RERE: variants seen among roughly 807,000 people sequenced by gnomAD.
The protein encoded by RERE is arginine-glutamic acid dipeptide repeats.
A neutral mutation model predicts 146.1 loss-of-function variants in RERE; 40 were observed. The observed-to-expected ratio is 0.27, with a 90% CI of 0.21 to 0.36. The LOEUF (loss-of-function observed/expected upper bound fraction) is 0.36, where lower values mean the gene tolerates loss of function less well. Among genes scored for constraint, RERE ranks in the 10% least tolerant of loss-of-function variants. RERE has a pLI of 1.00. For missense variants in RERE, 1,933 were observed against 2,138.7 expected (o/e 0.90, Z 1.90); for synonymous variants, 1,003 against 866.0 (o/e 1.16, Z -2.78).
chr1:8,744,466 G>A (rs888617461), intron 1 of RERE, among the ~76,000 whole-genome samples: 10 of 152,142 alleles, frequency 6.6e-5, no homozygotes, highest in Non-Finnish European at 1.5e-4. Flanking sequence ...CACTGTATTA[G>A]CTGCATTCTT....
chr1:8,688,180 A>G (rs1036018060), intron 1 of RERE, among the ~76,000 whole-genome samples: 13 of 152,208 alleles, frequency 8.5e-5, no homozygotes, highest in African/African-American at 2.9e-4. Flanking sequence ...ACTAACGCCT[A>G]TAATCTCAAC....
At chr1:8,720,655 A>G (rs1639847261) in intron 1 of RERE, among the ~76,000 whole-genome samples, 1 of 152,240 alleles carries the variant, frequency 6.6e-6, no homozygotes, top group Non-Finnish European at 1.5e-5. Context: ...GGTAGGCCTC[A>G]TAGGCCACTG....
chr1:8,441,629 A>G (rs1457681571), intron 11 of RERE, among the ~76,000 whole-genome samples: 4 of 152,248 alleles, frequency 2.6e-5, no homozygotes, highest in South Asian at 4.1e-4. Context: ...GGAAAGTCAT[A>G]TCTGACGACA....
intron 2 of RERE, among the ~76,000 whole-genome samples, chr1:8,637,869 T>C (rs1236809158): frequency 6.6e-6 from 1 of 152,228 alleles, no homozygotes; most frequent in Non-Finnish European, 1.5e-5. Flanking sequence ...GTGAAACCTT[T>C]AAATGTCCAG....
intron 20 of RERE, 61 bp downstream of exon 20, chr1:8,358,135 C>G: frequency 2.6e-6 from 4 of 1,530,626 alleles, no homozygotes; most frequent in Non-Finnish European, 3.5e-6. Flanking sequence ...GTGACTGTCA[C>G]TCATCAGGCT....
chr1:8,486,628 CAATGA>C (rs1644902440), intron 10 of RERE, among the ~76,000 whole-genome samples: 1 of 150,384 alleles, frequency 6.6e-6, no homozygotes, highest in Non-Finnish European at 1.5e-5. Context: ...GAACAGAAAC[CAATGA>C]AATATAAAAC....
chr1:8,531,774 A>G (rs72867539), intron 7 of RERE, among the ~76,000 whole-genome samples: 1 of 152,282 alleles, frequency 6.6e-6, no homozygotes, highest in African/African-American at 2.4e-5. Flanking sequence ...ATTATTACAG[A>G]GCGTTGAATT....
At chr1:8,562,180 T>A (rs192588506) in intron 4 of RERE, among the ~76,000 whole-genome samples, 1 of 152,174 alleles carries the variant, frequency 6.6e-6, no homozygotes. Flanking sequence ...CTTAAAGTTT[T>A]TGCTTTTCTA....
intron 8 of RERE, among the ~76,000 whole-genome samples, chr1:8,503,479 T>G (rs1191736436): frequency 6.6e-6 from 1 of 152,214 alleles, no homozygotes; most frequent in East Asian, 1.9e-4. Context: ...TCAACTCATA[T>G]GCCTATTAAT....
chr1:8,388,360 T>TGGACTGC (rs999123918), intron 12 of RERE, among the ~76,000 whole-genome samples: 1 of 150,658 alleles, frequency 6.6e-6, no homozygotes, highest in African/African-American at 2.4e-5. Context: ...TCGCCCAGGC[T>TGGACTGC]GGACTGCGGA....
intron 4 of RERE, among the ~76,000 whole-genome samples, chr1:8,564,838 G>GTGTGTGTA (rs1646130321): frequency 8.0e-6 from 1 of 125,730 alleles, no homozygotes; most frequent in Admixed American, 8.0e-5. Context: ...GTGTATGTGT[G>GTGTGTGTA]TGTGTGTGTG....
chr1:8,406,003 C>G (rs1570160749), intron 12 of RERE, among the ~76,000 whole-genome samples: 1 of 152,038 alleles, frequency 6.6e-6, no homozygotes, highest in East Asian at 1.9e-4. Flanking sequence ...AAAACAGACC[C>G]CTTCCCTTTC....
intron 1 of RERE, among the ~76,000 whole-genome samples, chr1:8,801,561 G>A (rs1412829003): frequency 6.6e-6 from 1 of 151,604 alleles, no homozygotes; most frequent in Non-Finnish European, 1.5e-5. Flanking sequence ...GAGCCACCGC[G>A]CCTGGCCAAA....
rs1164463993 is a variant in RERE at position 8,361,120 on chromosome 1, G to T, written c.2387C>A (p.Pro796His). ...CGGTGCCTGTTGGATGTGGGTGTGG[G>T]GAACAGGCGCTGTGGGAGCCTGTGG... ...NQPQAPTAPV[P>H]HTHIQQAPAL... Residue 796 changes from proline (P) to histidine (H), a missense_variant, in exon 18 of 23, where the codon CCC (proline) becomes CAC (histidine). Around this residue, in one of 11 missense-constraint regions of RERE, gnomAD observed 1,255 missense variants for 1,153.8 expected, o/e 1.09. Transcript: ENST00000400908. The T allele has an allele frequency of 2.8e-6, 4 of 1,443,374 alleles. No individual in the cohort carries two copies. In the African/African-American group the frequency reaches 4.3e-5, roughly 16 times the overall value. The allele number at this position is 1,443,374 out of a possible 1,614,324, so 89.4% of individuals were successfully genotyped here. A position where few individuals can be genotyped will look rare whatever the true frequency, so the allele number is the denominator to read the frequency against.
chr1:8,686,039 T>G (rs966946899), intron 1 of RERE, among the ~76,000 whole-genome samples: 2 of 151,748 alleles, frequency 1.3e-5, no homozygotes, highest in Middle Eastern at 6.8e-3. Context: ...TGGAGAGCAG[T>G]AGCACGATCT....
intron 12 of RERE, among the ~76,000 whole-genome samples, chr1:8,405,773 G>C (rs1246929141): frequency 1.3e-5 from 2 of 151,820 alleles, no homozygotes; most frequent in Non-Finnish European, 2.9e-5. Context: ...TGAGTAGCTG[G>C]GACTACATGC....
chr1:8,472,475 T>C (rs886783876), intron 10 of RERE, among the ~76,000 whole-genome samples: 5 of 152,350 alleles, frequency 3.3e-5, no homozygotes, highest in Middle Eastern at 6.8e-3. Context: ...GCAAAATACA[T>C]TGCAATGAAG....
chr1:8,651,671 A>G (rs567805547), intron 2 of RERE, among the ~76,000 whole-genome samples: 4 of 151,868 alleles, frequency 2.6e-5, no homozygotes, highest in South Asian at 4.2e-4. Flanking sequence ...GGCTGCAGTG[A>G]GCTGTGATCA....
At chr1:8,771,418 G>C (rs1054867436) in intron 1 of RERE, among the ~76,000 whole-genome samples, 1 of 151,798 alleles carries the variant, frequency 6.6e-6, no homozygotes, top group Non-Finnish European at 1.5e-5. Context: ...CAGATACTCC[G>C]GAGGCTGAGG....
Sources: allele counts gnomAD v4.1 joint callset (sites outside exome capture counted in the v4.1 genomes callset), GRCh38; gene constraint gnomAD v4.1.1; regional missense constraint gnomAD v4.1.1; transcripts MANE v1.5; gene names NCBI Gene and HGNC (gene_info 2026-07-23, HGNC 2026-07-21).